The following PLCE1 variants were observed in gnomAD, a reference collection of about 807,000 sequenced individuals.
The protein encoded by PLCE1 is phospholipase C epsilon 1.
In PLCE1, 119 loss-of-function variants were observed where a neutral mutation model predicts 242.8. That is an observed-to-expected ratio of 0.49 (90% CI 0.42 to 0.57). The LOEUF is 0.57. PLCE1 is among the 20% of genes least tolerant of loss of function. The pLI is 0.00. For missense variants in PLCE1, 2,441 were observed against 2,788.8 expected (o/e 0.88, Z 2.81); for synonymous variants, 945 against 1,017.4 (o/e 0.93, Z 1.35).
chr10:94,224,754 CTCTGTT>C (rs2049882020), intron 4 of PLCE1, among the ~76,000 whole-genome samples: 1 of 152,202 alleles, frequency 6.6e-6, no homozygotes, highest in African/African-American at 2.4e-5. Context: ...ATGACTCAGT[CTCTGTT>C]AGCAAAATAA....
intron 3 of PLCE1, among the ~76,000 whole-genome samples, chr10:94,148,997 C>A (rs192180926): frequency 6.6e-6 from 1 of 152,200 alleles, no homozygotes; most frequent in Non-Finnish European, 1.5e-5. Flanking sequence ...GATCTTTAAT[C>A]CCCTTGGCCC....
intron 1 of PLCE1, among the ~76,000 whole-genome samples, chr10:94,028,500 C>T (rs2061495219): frequency 6.6e-6 from 1 of 152,160 alleles, no homozygotes; most frequent in Admixed American, 6.5e-5. Flanking sequence ...CTACCACATT[C>T]CATACATTAG....
chr10:94,212,278 A>G (rs2049361450), intron 4 of PLCE1, among the ~76,000 whole-genome samples: 1 of 151,952 alleles, frequency 6.6e-6, no homozygotes. Context: ...TTTTTTTGAG[A>G]CAGAGTCTGG....
chr10:94,021,510 T>TC (rs1220490319), intron 1 of PLCE1, among the ~76,000 whole-genome samples: 1 of 152,142 alleles, frequency 6.6e-6, no homozygotes, highest in African/African-American at 2.4e-5. Context: ...GACTGCCCTT[T>TC]CCCCATTTAA....
chr10:94,168,296 A>G (rs987920767), intron 3 of PLCE1, among the ~76,000 whole-genome samples: 1 of 152,178 alleles, frequency 6.6e-6, no homozygotes, highest in African/African-American at 2.4e-5. Context: ...GGAAAGTGGG[A>G]AGTGTTTTTA....
At chr10:94,244,587 T>G (rs1260941866) in intron 7 of PLCE1, among the ~76,000 whole-genome samples, 3 of 152,238 alleles carry the variant, frequency 2.0e-5, no homozygotes, top group Non-Finnish European at 4.4e-5. Context: ...GCCTTTTCTG[T>G]GTATACCTAC....
At chr10:94,106,945 C>CT (rs1267521094) in intron 2 of PLCE1, 4 of 14,208 alleles carry the variant, frequency 2.8e-4, no homozygotes, top group Admixed American at 1.3e-3. Flanking sequence ...TCTCTCTCTC[C>CT]CCCTCCCCTC....
chr10:94,185,027 A>G (rs1215909922), intron 4 of PLCE1, among the ~76,000 whole-genome samples: 1 of 152,262 alleles, frequency 6.6e-6, no homozygotes, highest in Non-Finnish European at 1.5e-5. Context: ...AAAGCAAGAC[A>G]TGGGTCATTT....
At chr10:94,030,392 A>T (rs571437376) in intron 1 of PLCE1, among the ~76,000 whole-genome samples, 2 of 151,578 alleles carry the variant, frequency 1.3e-5, no homozygotes, top group African/African-American at 4.8e-5. Context: ...TCAGACATCA[A>T]TGTCTGTGTT....
At chr10:94,175,343 C>G (rs1215178352) in intron 4 of PLCE1, among the ~76,000 whole-genome samples, 1 of 151,050 alleles carries the variant, frequency 6.6e-6, no homozygotes, top group Non-Finnish European at 1.5e-5. Flanking sequence ...TATCCAGTTT[C>G]CCATTATCTA....
At chr10:94,120,271 C>T (rs2046261057) in intron 2 of PLCE1, among the ~76,000 whole-genome samples, 1 of 152,186 alleles carries the variant, frequency 6.6e-6, no homozygotes, top group Non-Finnish European at 1.5e-5. Flanking sequence ...TTTGCTCTGC[C>T]TGAGGTGTGT....
intron 4 of PLCE1, among the ~76,000 whole-genome samples, chr10:94,190,669 T>G (rs2048631407): frequency 6.6e-6 from 1 of 152,230 alleles, no homozygotes; most frequent in South Asian, 2.1e-4. Context: ...TGGCACATAG[T>G]AGGTGTTCAA....
chr10:94,265,782 G>T lies in PLCE1; in HGVS notation c.4116-11G>T, dbSNP rs778958604. ...TTCCCATGCAGTCTTAAGAAAATTT[G>T]TTTCACCTAGGTTTCTGATGGATAA... On this transcript the variant is annotated splice_polypyrimidine_tract_variant and intron_variant, in intron 15 of 32. Coordinates refer to ENST00000371380, the MANE Select transcript of PLCE1 (RefSeq NM_016341.4). 3.7e-6 allele frequency: 6 copies of T among 1,613,910 alleles called. No homozygotes were observed. The highest frequency in any genetic ancestry group is 1.7e-5 in the Admixed American group (1 of 60,010).
intron 4 of PLCE1, among the ~76,000 whole-genome samples, chr10:94,210,247 C>T (rs2049290832): frequency 6.7e-6 from 1 of 150,040 alleles, no homozygotes; most frequent in Non-Finnish European, 1.5e-5. Flanking sequence ...GTAAATATTT[C>T]TTGAAAGAGA....
At chr10:94,220,207 CACACACACACACAT>C (rs1467884825) in intron 4 of PLCE1, among the ~76,000 whole-genome samples, 51 of 148,542 alleles carry the variant, frequency 3.4e-4, no homozygotes, top group African/African-American at 1.2e-3. Flanking sequence ...CACACACATA[CACACACACACACAT>C]ACACACACAC....
At chr10:94,178,967 T>C (rs998117881) in intron 4 of PLCE1, among the ~76,000 whole-genome samples, 2 of 152,228 alleles carry the variant, frequency 1.3e-5, no homozygotes, top group African/African-American at 4.8e-5. Flanking sequence ...AGGGCTGCTT[T>C]ACAAACTTCC....
intron 2 of PLCE1, among the ~76,000 whole-genome samples, chr10:94,057,446 A>G (rs952898740): frequency 2.0e-5 from 3 of 152,188 alleles, no homozygotes; most frequent in Non-Finnish European, 4.4e-5. Context: ...TGGACATTTT[A>G]CATTATTATT....
At chr10:94,294,777 A>T (rs911652771) in intron 23 of PLCE1, among the ~76,000 whole-genome samples, 4 of 152,070 alleles carry the variant, frequency 2.6e-5, no homozygotes, top group African/African-American at 9.7e-5. Context: ...GTGGTTGCTG[A>T]AGGCTAGGGT....
intron 10 of PLCE1, 46 bp downstream of exon 10, chr10:94,254,353 G>T: frequency 3.8e-6 from 5 of 1,328,816 alleles, no homozygotes; most frequent in Non-Finnish European, 5.4e-6. Flanking sequence ...TTTAATTTTT[G>T]TGGGAAAAAA....
Sources: allele counts gnomAD v4.1 joint callset (sites outside exome capture counted in the v4.1 genomes callset), GRCh38; gene constraint gnomAD v4.1.1; transcripts MANE v1.5; gene names NCBI Gene and HGNC (gene_info 2026-07-23, HGNC 2026-07-21).